Variants in DLG2 observed in about 807,000 individuals in gnomAD.
The protein encoded by DLG2 is discs large MAGUK scaffold protein 2, also known as disks large homolog 2.
A neutral mutation model predicts 132.5 loss-of-function variants in DLG2; 45 were observed. The observed-to-expected ratio is 0.34, with a 90% confidence interval of 0.27 to 0.44. DLG2 has a LOEUF of 0.44. Among genes scored for constraint, DLG2 ranks in the 20% least tolerant of loss-of-function variants. The pLI, the probability that DLG2 is intolerant of heterozygous loss-of-function variation, is 1.00. For missense variants in DLG2, 1,045 were observed against 1,196.9 expected (o/e 0.87, Z 1.87); for synonymous variants, 424 against 419.6 (o/e 1.01, Z -0.13).
At chr11:84,280,867 A>ATTTTTTTTTTTTTT (rs35970331) in intron 7 of DLG2, among the ~76,000 whole-genome samples, 8 of 67,708 alleles carry the variant, frequency 1.2e-4, no homozygotes, top group Non-Finnish European at 1.3e-4. Context: ...TGCCCAGCCA[A>ATTTTTTTTTTTTTT]TTTTTTTTTT....
At chr11:85,411,988 C>T (rs916887650) in intron 3 of DLG2, among the ~76,000 whole-genome samples, 9 of 151,810 alleles carry the variant, frequency 5.9e-5, no homozygotes, top group Non-Finnish European at 7.4e-5. Context: ...ATTCTATTCT[C>T]CCCTATGCTG....
At chr11:84,242,132 T>C (rs1454919308) in intron 8 of DLG2, among the ~76,000 whole-genome samples, 1 of 152,304 alleles carries the variant, frequency 6.6e-6, no homozygotes, top group Non-Finnish European at 1.5e-5. Context: ...CGGGCCAATA[T>C]TGCTACTTTC....
chr11:85,342,948 A>G (rs1323344578), intron 3 of DLG2, among the ~76,000 whole-genome samples: 2 of 151,410 alleles, frequency 1.3e-5, no homozygotes, highest in Non-Finnish European at 2.9e-5. Context: ...TATCTAATGC[A>G]CTTTTTTTAT....
chr11:84,360,281 G>T (rs1301916063), intron 7 of DLG2, among the ~76,000 whole-genome samples: 1 of 151,710 alleles, frequency 6.6e-6, no homozygotes, highest in African/African-American at 2.4e-5. Flanking sequence ...GTAAAGGTTT[G>T]AAGAAGACAA....
At chr11:85,016,427 C>A (rs1335871218) in intron 6 of DLG2, among the ~76,000 whole-genome samples, 1 of 152,090 alleles carries the variant, frequency 6.6e-6, no homozygotes, top group East Asian at 1.9e-4. Context: ...GGTCCTTTAT[C>A]ATCTTGTTCT....
chr11:84,158,099 T>C (rs1197569848), intron 9 of DLG2, among the ~76,000 whole-genome samples: 3 of 152,050 alleles, frequency 2.0e-5, no homozygotes, highest in Non-Finnish European at 4.4e-5. Flanking sequence ...AGTCTCACTC[T>C]GTTGCCCAGG....
At chr11:84,890,629 C>G (rs1245041732) in intron 6 of DLG2, 1 of 152,178 alleles carries the variant, frequency 6.6e-6, no homozygotes, top group Non-Finnish European at 1.5e-5. Context: ...GTTCCCCCAC[C>G]TGCACCCTAC....
At chr11:85,316,251 C>T (rs1349569407) in intron 3 of DLG2, among the ~76,000 whole-genome samples, 5 of 151,814 alleles carry the variant, frequency 3.3e-5, no homozygotes, top group Non-Finnish European at 5.9e-5. Flanking sequence ...TTCTCAATGT[C>T]GCTAGTGTAA....
chr11:84,720,536 G>C, intron 6 of DLG2: 1 of 974,272 alleles, frequency 1.0e-6, no homozygotes, highest in Non-Finnish European at 1.2e-6. Context: ...CGGAGCCCCG[G>C]TGGAAGCAAC....
chr11:85,489,876 A>T, intron 3 of DLG2, among the ~76,000 whole-genome samples: 1 of 46,594 alleles, frequency 2.1e-5, no homozygotes, highest in South Asian at 5.4e-4. Flanking sequence ...TTTCTTTGAA[A>T]GGACATGCAA....
At chr11:84,156,546 A>T (rs1283933808) in intron 9 of DLG2, among the ~76,000 whole-genome samples, 1 of 152,196 alleles carries the variant, frequency 6.6e-6, no homozygotes, top group Non-Finnish European at 1.5e-5. Context: ...ACAGCTGCAG[A>T]ATGTATGGCC....
chr11:85,159,922 G>C (rs2077895571), intron 4 of DLG2, among the ~76,000 whole-genome samples: 1 of 152,158 alleles, frequency 6.6e-6, no homozygotes, highest in Admixed American at 6.5e-5. Flanking sequence ...ATGCTGATTG[G>C]ATCCAGTGAG....
At chr11:84,429,096 CT>C (rs1359296196) in intron 7 of DLG2, among the ~76,000 whole-genome samples, 1 of 152,188 alleles carries the variant, frequency 6.6e-6, no homozygotes, top group Non-Finnish European at 1.5e-5. Flanking sequence ...CATTTTTCAT[CT>C]TGCTCTCACT....
intron 18 of DLG2, among the ~76,000 whole-genome samples, chr11:83,701,841 T>C (rs560748216): frequency 3.3e-5 from 5 of 152,184 alleles, no homozygotes; most frequent in African/African-American, 9.7e-5. Flanking sequence ...GCCAGCTTGA[T>C]AGGTAAGCCT....
chr11:84,031,647 G>A (rs1055913912), intron 11 of DLG2, among the ~76,000 whole-genome samples: 10 of 152,136 alleles, frequency 6.6e-5, no homozygotes, highest in Admixed American at 1.3e-4. Context: ...CTAAACATTT[G>A]TTACACAATA....
chr11:83,520,579 G>A, intron 21 of DLG2, among the ~76,000 whole-genome samples: 1 of 152,066 alleles, frequency 6.6e-6, no homozygotes, highest in Non-Finnish European at 1.5e-5. Flanking sequence ...AGGTAGGTAA[G>A]TAGGTAGGCA....
intron 17 of DLG2, among the ~76,000 whole-genome samples, chr11:83,795,271 G>A (rs1295489726): frequency 1.3e-5 from 2 of 152,014 alleles, no homozygotes; most frequent in African/African-American, 2.4e-5. Context: ...AGCCAGGTGT[G>A]GTGGCAGTCA....
intron 11 of DLG2, among the ~76,000 whole-genome samples, chr11:84,007,443 T>C (rs1358769463): frequency 6.6e-6 from 1 of 151,716 alleles, no homozygotes; most frequent in Non-Finnish European, 1.5e-5. Context: ...ATCAAATCCA[T>C]TAATCTTTAG....
chr11:84,397,686 A>C (rs1388399740), intron 7 of DLG2, among the ~76,000 whole-genome samples: 1 of 152,226 alleles, frequency 6.6e-6, no homozygotes, highest in Non-Finnish European at 1.5e-5. Context: ...GAGAGCTATA[A>C]GTCTTTATTG....
Sources: allele counts gnomAD v4.1 joint callset (sites outside exome capture counted in the v4.1 genomes callset), GRCh38; gene constraint gnomAD v4.1.1; transcripts MANE v1.5; gene names NCBI Gene and HGNC (gene_info 2026-07-23, HGNC 2026-07-21).